GRID1: variants seen among roughly 807,000 people sequenced by gnomAD.
The protein encoded by GRID1 is glutamate ionotropic receptor delta type subunit 1.
Under a neutral mutation model 98.0 loss-of-function variants are expected in GRID1, and 28 were observed. That is an observed-to-expected ratio of 0.29 (90% CI 0.21 to 0.39). GRID1 has a LOEUF of 0.39. Among genes scored for constraint, GRID1 ranks in the 10% least tolerant of loss-of-function variants. GRID1 has a pLI of 1.00. For synonymous variants in GRID1, 553 were observed against 538.5 expected (o/e 1.03, Z -0.37); for missense variants, 1,111 against 1,340.5 (o/e 0.83, Z 2.67).
At chr10:86,015,935 T>C (rs1842974621) in intron 4 of GRID1, among the ~76,000 whole-genome samples, 1 of 152,008 alleles carries the variant, frequency 6.6e-6, no homozygotes, top group South Asian at 2.1e-4. Context: ...AGTAGGAAGC[T>C]GAGGGACAGT....
chr10:85,853,616 T>C (rs958021376), intron 8 of GRID1, among the ~76,000 whole-genome samples: 4 of 152,172 alleles, frequency 2.6e-5, no homozygotes, highest in African/African-American at 9.7e-5. Context: ...TGGAAGTGCA[T>C]CCAAGCCAGT....
At chr10:85,774,570 T>G (rs1377065854) in intron 8 of GRID1, among the ~76,000 whole-genome samples, 1 of 152,062 alleles carries the variant, frequency 6.6e-6, no homozygotes, top group Non-Finnish European at 1.5e-5. Context: ...TTTCGCAACC[T>G]ACTCATCTGA....
chr10:85,875,423 A>T (rs1272811943), intron 5 of GRID1, among the ~76,000 whole-genome samples: 5 of 152,190 alleles, frequency 3.3e-5, no homozygotes, highest in African/African-American at 9.7e-5. Flanking sequence ...TAAACCTAAT[A>T]TACTAGATAT....
At chr10:86,301,275 G>A (rs376090567) in intron 2 of GRID1, among the ~76,000 whole-genome samples, 2 of 152,164 alleles carry the variant, frequency 1.3e-5, no homozygotes, top group Non-Finnish European at 2.9e-5. Context: ...GTGGCTTGTC[G>A]ATTTTCTGCT....
intron 3 of GRID1, among the ~76,000 whole-genome samples, chr10:86,197,604 C>T (rs561721046): frequency 1.2e-4 from 19 of 152,120 alleles, no homozygotes; most frequent in Admixed American, 3.3e-4. Context: ...GAAGAGGAAA[C>T]GGGGGACGAT....
chr10:85,868,955 G>T (rs1177305039), intron 6 of GRID1, 55 bp downstream of exon 6: 32 of 1,493,752 alleles, frequency 2.1e-5, no homozygotes, highest in Non-Finnish European at 2.9e-5. Context: ...CTTGGCCAAG[G>T]GTGTGGGTGA....
intron 3 of GRID1, among the ~76,000 whole-genome samples, chr10:86,152,691 G>A (rs774058967): frequency 6.6e-6 from 1 of 152,226 alleles, no homozygotes; most frequent in South Asian, 2.1e-4. Context: ...ATTGGGCAGA[G>A]TGAGGCTGTC....
At chr10:86,065,915 T>C (rs1407909962) in intron 4 of GRID1, among the ~76,000 whole-genome samples, 1 of 152,242 alleles carries the variant, frequency 6.6e-6, no homozygotes, top group African/African-American at 2.4e-5. Context: ...CTGTACAGAC[T>C]GGGAGGCAGT....
chr10:86,227,333 G>A (rs575795891), intron 2 of GRID1, among the ~76,000 whole-genome samples: 2 of 152,318 alleles, frequency 1.3e-5, no homozygotes, highest in East Asian at 3.9e-4. Context: ...TTAAGGCAGG[G>A]GTGGTGGAGA....
intron 12 of GRID1, among the ~76,000 whole-genome samples, chr10:85,676,282 T>C (rs865877386): frequency 3.3e-5 from 5 of 152,034 alleles, no homozygotes; most frequent in Admixed American, 2.6e-4. Flanking sequence ...CCCCATCTTA[T>C]CTCTTCCGCA....
intron 8 of GRID1, among the ~76,000 whole-genome samples, chr10:85,743,106 C>CT (rs1554828610): frequency 6.0e-5 from 2 of 33,412 alleles, no homozygotes; most frequent in South Asian, 2.0e-3. Flanking sequence ...AATTATGCAG[C>CT]CCCCCCCCCC....
intron 5 of GRID1, among the ~76,000 whole-genome samples, chr10:85,882,687 G>A (rs1269878438): frequency 3.3e-5 from 5 of 152,140 alleles, no homozygotes; most frequent in African/African-American, 1.2e-4. Flanking sequence ...ACAAGTTAAT[G>A]GGTGCAGCAC....
rs1227365359 is a variant in GRID1 at position 86,109,131 on chromosome 10, T to G, written c.726+29688A>C. Among the ~76,000 whole-genome samples the G allele has an allele frequency of 2.6e-5, 4 of 152,244 alleles. No homozygotes were observed. The East Asian group carries it at 7.7e-4, about 29-fold the overall frequency. On this transcript the variant is annotated intron_variant, in intron 4 of 15. Transcript: ENST00000327946. ...TCCAGCTGTGGTTATAGATTGAGTA[T>G]ATTTCACAATATGTATCTGCTCTCC...
At chr10:85,813,899 A>C (rs1359108209) in intron 8 of GRID1, among the ~76,000 whole-genome samples, 2 of 151,858 alleles carry the variant, frequency 1.3e-5, no homozygotes, top group Non-Finnish European at 3.0e-5. Flanking sequence ...AAATTTTCTA[A>C]AGTTTACATA....
At chr10:86,287,737 A>T (rs1847453072) in intron 2 of GRID1, among the ~76,000 whole-genome samples, 1 of 151,912 alleles carries the variant, frequency 6.6e-6, no homozygotes, top group African/African-American at 2.4e-5. Flanking sequence ...ATTTCACTTT[A>T]AAAAGTTTCA....
At chr10:86,095,665 C>T (rs1410722227) in intron 4 of GRID1, among the ~76,000 whole-genome samples, 1 of 152,026 alleles carries the variant, frequency 6.6e-6, no homozygotes, top group Non-Finnish European at 1.5e-5. Flanking sequence ...TGCAATACCA[C>T]CTTACTCCTG....
At chr10:86,020,627 T>C (rs1199632823) in intron 4 of GRID1, among the ~76,000 whole-genome samples, 1 of 151,372 alleles carries the variant, frequency 6.6e-6, no homozygotes, top group Non-Finnish European at 1.5e-5. Context: ...GTGGGGAGAG[T>C]GGAAAGTGCC....
intron 4 of GRID1, among the ~76,000 whole-genome samples, chr10:86,002,811 GT>G (rs1842817175): frequency 6.6e-6 from 1 of 152,174 alleles, no homozygotes; most frequent in South Asian, 2.1e-4. Flanking sequence ...CCATTGGTTT[GT>G]TTATTCCATC....
chr10:85,905,911 T>A (rs771758214), intron 5 of GRID1, among the ~76,000 whole-genome samples: 1 of 152,122 alleles, frequency 6.6e-6, no homozygotes, highest in Non-Finnish European at 1.5e-5. Flanking sequence ...TATTGATGAT[T>A]ACATTCAGTA....
Sources: gnomAD v4.1 joint callset for allele counts (sites outside exome capture counted in the v4.1 genomes callset) on GRCh38, gnomAD v4.1.1 for gene constraint, MANE v1.5 for transcripts, NCBI Gene and HGNC (gene_info 2026-07-23, HGNC 2026-07-21) for gene names.